Variants in FARP1 observed in about 807,000 individuals in gnomAD.
FARP1 encodes the protein FERM, ARH/RhoGEF and pleckstrin domain protein 1.
A neutral mutation model predicts 128.8 loss-of-function variants in FARP1; 52 were observed. The ratio of observed to expected loss-of-function variants is 0.40; its 90% confidence interval spans 0.32 to 0.51. The LOEUF (loss-of-function observed/expected upper bound fraction) is 0.51. Among genes scored for constraint, FARP1 ranks in the 20% least tolerant of loss-of-function variants. The probability of loss-of-function intolerance (pLI) is 0.45; values close to 1 mark genes in which losing one functional copy is unlikely to be tolerated. For synonymous variants in FARP1, 580 were observed against 551.8 expected (o/e 1.05, Z -0.72); for missense variants, 1,333 against 1,367.9 (o/e 0.97, Z 0.40).
In FARP1 at chr13:98,431,061, T is replaced by C. The variant is rs761110922; in HGVS notation, c.1924T>C (p.Trp642Arg). The stretch of plus-strand genomic sequence containing the variant: ...TCCCAAGCACCTGGCGGCTCACCTG[T>C]GGAAGCACAGCGAGGCCTTGGAGGC... ...QGMKHLAAHLWKHSEALEALE... is the reference protein window; with the variant it reads ...QGMKHLAAHLRKHSEALEALE... The change falls in exon 18 of 27, where the codon TGG becomes CGG. Residue 642 changes from tryptophan to arginine, a missense_variant. Transcript: ENST00000319562. 6.2e-7 allele frequency: 1 copy of C among 1,613,776 alleles called. No individual in the cohort carries two copies. The highest frequency in any genetic ancestry group is 8.5e-7 in the Non-Finnish European group (1 of 1,179,758).
At chr13:98,149,333 A>G (rs1875802132) in intron 1 of FARP1, among the ~76,000 whole-genome samples, 1 of 152,070 alleles carries the variant, frequency 6.6e-6, no homozygotes, top group Non-Finnish European at 1.5e-5. Context: ...GTGGCTGGAT[A>G]TGCTATGACT....
chr13:98,245,396 C>A, intron 2 of FARP1: 1 of 971,304 alleles, frequency 1.0e-6, no homozygotes, highest in Non-Finnish European at 1.2e-6. Context: ...ATTTTCAGCT[C>A]CCATGTTCAG....
rs528704588 is a variant in FARP1, at chr13:98,347,988, T to G, written c.276+4122T>G. Reference sequence around the variant, plus strand: ...TGAATTTCTGCCCAGCCTTCTGTCTTTCTTCTCATCATTTCTGTCTTATAA... The same window carrying G: ...TGAATTTCTGCCCAGCCTTCTGTCTGTCTTCTCATCATTTCTGTCTTATAA... On this transcript the variant is annotated intron_variant, in intron 3 of 26. Coordinates refer to ENST00000319562, the MANE Select transcript of FARP1 (RefSeq NM_005766.4). 5.3e-5 allele frequency among the ~76,000 whole-genome samples: 8 copies of G among 152,364 alleles called. No individual in the cohort carries two copies. In the South Asian group the frequency reaches 1.7e-3, roughly 32 times the overall value.
intron 2 of FARP1, among the ~76,000 whole-genome samples, chr13:98,339,460 A>G (rs1309710283): frequency 6.6e-6 from 1 of 152,150 alleles, no homozygotes; most frequent in African/African-American, 2.4e-5. Context: ...GGGAGTTACA[A>G]TTCAACATGA....
intron 1 of FARP1, among the ~76,000 whole-genome samples, chr13:98,163,259 G>A (rs1202195074): frequency 6.6e-6 from 1 of 152,070 alleles, no homozygotes; most frequent in Non-Finnish European, 1.5e-5. Flanking sequence ...ATAAGTGGGC[G>A]CTAAATGAAG....
At chr13:98,257,824 A>T (rs1883682940) in intron 2 of FARP1, among the ~76,000 whole-genome samples, 3 of 152,188 alleles carry the variant, frequency 2.0e-5, no homozygotes, top group Admixed American at 1.3e-4. Context: ...TACAGTGGAG[A>T]TATCCAAGCT....
chr13:98,232,895 A>C (rs141024489), intron 2 of FARP1, among the ~76,000 whole-genome samples: 80 of 152,342 alleles, frequency 5.3e-4, no homozygotes, highest in African/African-American at 1.8e-3. Context: ...CTATTGACAG[A>C]AGATCAAGTG....
chr13:98,221,976 C>G (rs948133203), intron 2 of FARP1, among the ~76,000 whole-genome samples: 1 of 152,228 alleles, frequency 6.6e-6, no homozygotes, highest in Non-Finnish European at 1.5e-5. Flanking sequence ...TTGCTGTCTT[C>G]TATCACTTTG....
At chr13:98,346,086 G>C (rs911657091) in intron 3 of FARP1, among the ~76,000 whole-genome samples, 25 of 152,126 alleles carry the variant, frequency 1.6e-4, no homozygotes, top group African/African-American at 5.8e-4. Flanking sequence ...CGGATCTGTA[G>C]AAGTGCCTTC....
chr13:98,268,879 ATTTATTTTTATTTT>A (rs1272799310), intron 2 of FARP1, among the ~76,000 whole-genome samples: 14 of 150,226 alleles, frequency 9.3e-5, no homozygotes, highest in Admixed American at 3.3e-4. Context: ...GCTAATTTTT[ATTTATTTTTATTTT>A]TTTATTTTTA....
At chr13:98,317,877 C>CCTT (rs1555337026) in intron 2 of FARP1, among the ~76,000 whole-genome samples, 17 of 152,056 alleles carry the variant, frequency 1.1e-4, no homozygotes, top group Admixed American at 1.1e-3. Flanking sequence ...GTCTCCTCCT[C>CCTT]CTTTCTTTCT....
At chr13:98,441,503 G>A (rs530751432) in intron 24 of FARP1, among the ~76,000 whole-genome samples, 53 of 152,384 alleles carry the variant, frequency 3.5e-4, no homozygotes, top group African/African-American at 1.3e-3. Context: ...CCAGGAGGGC[G>A]AAAGGAGCCC....
chr13:98,212,338 G>A (rs951131314), intron 1 of FARP1, among the ~76,000 whole-genome samples: 3 of 152,164 alleles, frequency 2.0e-5, no homozygotes, highest in African/African-American at 7.2e-5. Flanking sequence ...TTACAGGCGT[G>A]AGCCACCGTG....
chr13:98,397,940 T>G (rs1295460412), intron 13 of FARP1: 2 of 139,044 alleles, frequency 1.4e-5, no homozygotes, highest in African/African-American at 5.2e-5. Flanking sequence ...AGAATAAAAT[T>G]TTTAGATCCT....
At chr13:98,149,944 A>C (rs1309051541) in intron 1 of FARP1, among the ~76,000 whole-genome samples, 1 of 150,800 alleles carries the variant, frequency 6.6e-6, no homozygotes, top group Non-Finnish European at 1.5e-5. Context: ...TCACCATGTT[A>C]GCCAGGATGG....
intron 2 of FARP1, among the ~76,000 whole-genome samples, chr13:98,259,096 A>T (rs1390973457): frequency 6.6e-6 from 1 of 152,114 alleles, no homozygotes; most frequent in Admixed American, 6.5e-5. Context: ...CTATAAACAC[A>T]GCTACTCCAG....
At chr13:98,151,330 GCATCCACTGGGGGTC>G (rs2139090915) in intron 1 of FARP1, among the ~76,000 whole-genome samples, 1 of 152,258 alleles carries the variant, frequency 6.6e-6, no homozygotes, top group South Asian at 2.1e-4. Context: ...CGGTTTTTAG[GCATCCACTGGGGGTC>G]TTGGAATGTA....
chr13:98,256,641 C>A (rs1172553781), intron 2 of FARP1, among the ~76,000 whole-genome samples: 1 of 151,206 alleles, frequency 6.6e-6, no homozygotes, highest in Non-Finnish European at 1.5e-5. Flanking sequence ...TTCACTGCAA[C>A]CTCCACCTCC....
rs1255997330 is a variant in FARP1 at position 98,453,606 on chromosome 13, A to T, written c.*5289A>T. 1 of 167,718 alleles carries T rather than the reference A, an allele frequency of 6.0e-6. No homozygotes were observed. The highest frequency in any genetic ancestry group is 2.4e-5 in the African/African-American group (1 of 41,510). The allele number at this position is 167,718 out of a possible 1,614,324, so 10.4% of individuals were successfully genotyped here. A position where few individuals can be genotyped will look rare whatever the true frequency, so the allele number is the denominator to read the frequency against. ...GCAGGAAACCCATTTTGGCCATAAA[A>T]ATAGTGATGCAGTCCAAGAATCTAT... is the stretch of plus-strand genomic sequence containing the variant. On this transcript the variant is annotated 3_prime_UTR_variant, in exon 27 of 27. Transcript: ENST00000319562.
Sources: gnomAD v4.1 joint callset for allele counts (sites outside exome capture counted in the v4.1 genomes callset) on GRCh38, gnomAD v4.1.1 for gene constraint, MANE v1.5 for transcripts, NCBI Gene and HGNC (gene_info 2026-07-23, HGNC 2026-07-21) for gene names.